GALNT13: variants seen among roughly 807,000 people sequenced by gnomAD.
The protein encoded by GALNT13 is polypeptide N-acetylgalactosaminyltransferase 13, also known as UDP-GalNAc:polypeptide N-acetylgalactosaminyltransferase 13.
GALNT13 carries 28 observed loss-of-function variants against 64.2 expected under a neutral mutation model. The ratio of observed to expected loss-of-function variants is 0.44; its 90% CI spans 0.32 to 0.60. The LOEUF (loss-of-function observed/expected upper bound fraction) is 0.60. GALNT13 is among the 20% of genes least tolerant of loss of function. GALNT13 has a pLI of 0.05. For missense variants in GALNT13, 577 were observed against 669.8 expected, an observed-to-expected ratio of 0.86 and a Z score of 1.53; for synonymous variants, 214 against 224.6, an observed-to-expected ratio of 0.95 and a Z score of 0.42.
the GALNT13 span, among the ~76,000 whole-genome samples, chr2:153,852,705 G>A: frequency 6.6e-6 from 1 of 152,332 alleles, no homozygotes. Context: ...CACAATGTAA[G>A]TGGTATAACC....
At chr2:153,309,252 A>G in the GALNT13 span, among the ~76,000 whole-genome samples, 3 of 152,186 alleles carry the variant, frequency 2.0e-5, no homozygotes, top group Non-Finnish European at 2.9e-5. Context: ...CTGAGTAGGA[A>G]GTTGAACTAA....
At chr2:153,434,753 C>T in the GALNT13 span, among the ~76,000 whole-genome samples, 1 of 152,104 alleles carries the variant, frequency 6.6e-6, no homozygotes, top group Admixed American at 6.5e-5. Flanking sequence ...AAGTAGGTTG[C>T]AAAAATTGTC....
At chr2:154,285,958 A>T (rs1452483527) in intron 8 of GALNT13, among the ~76,000 whole-genome samples, 3 of 152,214 alleles carry the variant, frequency 2.0e-5, no homozygotes, top group African/African-American at 7.2e-5. Flanking sequence ...ATGTTATTGT[A>T]AATGGGATTG....
the GALNT13 span, among the ~76,000 whole-genome samples, chr2:153,694,915 A>G: frequency 9.2e-5 from 14 of 152,188 alleles, no homozygotes; most frequent in African/African-American, 3.1e-4. Flanking sequence ...CCCAGATTCA[A>G]TGAATTGCTA....
At chr2:154,270,975 G>A (rs1485191568) in intron 8 of GALNT13, among the ~76,000 whole-genome samples, 2 of 151,704 alleles carry the variant, frequency 1.3e-5, no homozygotes, top group African/African-American at 4.8e-5. Context: ...CTTAAATGTT[G>A]GTCAATTCAC....
chr2:153,873,524 A>T (rs1686140345), intron 1 of GALNT13, among the ~76,000 whole-genome samples: 1 of 152,202 alleles, frequency 6.6e-6, no homozygotes, highest in Non-Finnish European at 1.5e-5. Flanking sequence ...GGGTTCAGGG[A>T]AACTAACCTC....
chr2:154,326,358 A>C (rs1694874358), intron 9 of GALNT13, among the ~76,000 whole-genome samples: 1 of 151,810 alleles, frequency 6.6e-6, no homozygotes, highest in African/African-American at 2.4e-5. Context: ...GTTAAATCTG[A>C]ATGTCAGATC....
At chr2:153,672,820 TAAAG>T in the GALNT13 span, among the ~76,000 whole-genome samples, 8 of 145,754 alleles carry the variant, frequency 5.5e-5, no homozygotes, top group Non-Finnish European at 1.2e-4. Flanking sequence ...GCAAGACTAA[TAAAG>T]AAGAAATGAG....
intron 11 of GALNT13, among the ~76,000 whole-genome samples, chr2:154,430,325 A>G (rs1700654896): frequency 6.6e-6 from 1 of 152,172 alleles, no homozygotes; most frequent in African/African-American, 2.4e-5. Flanking sequence ...GAGTTTGGGA[A>G]AAGTTAATCC....
chr2:153,243,272 G>C, the GALNT13 span, among the ~76,000 whole-genome samples: 14 of 152,096 alleles, frequency 9.2e-5, no homozygotes, highest in African/African-American at 3.4e-4. Context: ...CTCCTTCTGG[G>C]GGATCCAGGA....
At chr2:153,829,085 T>C in the GALNT13 span, among the ~76,000 whole-genome samples, 106 of 152,252 alleles carry the variant, frequency 7.0e-4, no homozygotes, top group African/African-American at 2.4e-3. Context: ...TATGAACATT[T>C]TGGTCAAAGC....
intron 4 of GALNT13, among the ~76,000 whole-genome samples, chr2:154,196,614 T>C (rs1389580733): frequency 1.3e-5 from 2 of 152,172 alleles, no homozygotes; most frequent in Non-Finnish European, 2.9e-5. Flanking sequence ...ATCATTAATA[T>C]GTATTTGAAA....
At chr2:154,409,334 T>A in intron 11 of GALNT13, 2 of 439,270 alleles carry the variant, frequency 4.6e-6, no homozygotes, top group East Asian at 8.4e-5. Flanking sequence ...TTTAGACACA[T>A]CTCATTTTAT....
Position 153,950,664 on chromosome 2 carries a change from G to A in GALNT13, c.142+6025G>A, listed in dbSNP as rs549928559. ...GAAAATAATCCATAGATCTATTAAT[G>A]GAAAAGTTGATTAATAAATGTTGGT... On this transcript the variant is annotated intron_variant, in intron 3 of 12. Coordinates refer to ENST00000392825, the MANE Select transcript of GALNT13 (RefSeq NM_052917.4). 2.0e-5 allele frequency among the ~76,000 whole-genome samples: 3 copies of A among 152,060 alleles called. No homozygotes were observed. In the East Asian group the frequency reaches 5.8e-4, roughly 29 times the overall value.
chr2:154,059,402 C>A (rs998014192), intron 3 of GALNT13, among the ~76,000 whole-genome samples: 3 of 152,176 alleles, frequency 2.0e-5, no homozygotes, highest in Non-Finnish European at 4.4e-5. Context: ...TGATAAAATT[C>A]AAGTGATAAT....
chr2:153,626,859 G>A, the GALNT13 span, among the ~76,000 whole-genome samples: 1 of 152,102 alleles, frequency 6.6e-6, no homozygotes. Flanking sequence ...TTTTTGCTGA[G>A]CGCTGGTTTG....
At chr2:154,050,904 A>G (rs896392030) in intron 3 of GALNT13, among the ~76,000 whole-genome samples, 4 of 152,182 alleles carry the variant, frequency 2.6e-5, no homozygotes, top group Admixed American at 6.5e-5. Context: ...ACCACATGCC[A>G]TTTGTTTCAC....
At chr2:153,891,458 C>T (rs1054283637) in intron 1 of GALNT13, among the ~76,000 whole-genome samples, 1 of 152,104 alleles carries the variant, frequency 6.6e-6, no homozygotes, top group South Asian at 2.1e-4. Flanking sequence ...ATCACAACGC[C>T]TTTATGATTT....
At chr2:153,359,471 ACAGT>A in the GALNT13 span, among the ~76,000 whole-genome samples, 1 of 152,038 alleles carries the variant, frequency 6.6e-6, no homozygotes, top group African/African-American at 2.4e-5. Context: ...AACAGGAAAA[ACAGT>A]CAGACTTCAA....
Sources: allele counts gnomAD v4.1 joint callset (sites outside exome capture counted in the v4.1 genomes callset), GRCh38; gene constraint gnomAD v4.1.1; transcripts MANE v1.5; gene names NCBI Gene and HGNC (gene_info 2026-07-23, HGNC 2026-07-21).